Variants in TMEM26 observed in about 807,000 individuals in gnomAD.
The protein encoded by TMEM26 is transmembrane protein 26.
A neutral mutation model predicts 28.8 loss-of-function variants in TMEM26; 38 were observed. The ratio of observed to expected loss-of-function variants is 1.32; its 90% CI spans 1.02 to 1.73. The LOEUF is 1.73. Ranked by LOEUF, TMEM26 falls within the 40% of genes most tolerant of loss-of-function variation. The probability of loss-of-function intolerance (pLI) is 0.00; values close to 1 mark genes in which losing one functional copy is unlikely to be tolerated. For synonymous variants in TMEM26, 227 were observed against 182.9 expected (o/e 1.24, Z -1.95); for missense variants, 518 against 447.1 (o/e 1.16, Z -1.43).
At chr10:61,447,657 G>A (rs1016224276) in intron 1 of TMEM26, among the ~76,000 whole-genome samples, 3 of 152,112 alleles carry the variant, frequency 2.0e-5, no homozygotes, top group African/African-American at 7.2e-5. Flanking sequence ...ATAAGAAAAG[G>A]GGAAGAGTAG....
At chr10:61,429,219 C>G (rs550866854) in intron 3 of TMEM26, 73 bp from the exon 4 acceptor site, 1 of 1,291,268 alleles carries the variant, frequency 7.7e-7, no homozygotes, top group African/African-American at 1.5e-5. Flanking sequence ...CCTCACTGTG[C>G]TTTCAATCAA....
chr10:61,412,088 G>T (rs1376171311), intron 5 of TMEM26, among the ~76,000 whole-genome samples: 1 of 152,122 alleles, frequency 6.6e-6, no homozygotes, highest in Non-Finnish European at 1.5e-5. Flanking sequence ...TTATATCAAT[G>T]GTAGCCTTTC....
At chr10:61,415,699 T>C (rs2135289355) in intron 4 of TMEM26, among the ~76,000 whole-genome samples, 1 of 152,200 alleles carries the variant, frequency 6.6e-6, no homozygotes, top group South Asian at 2.1e-4. Context: ...TTTCCATGAA[T>C]GAAACGGAAA....
chr10:61,437,277 T>G (rs1291538460), intron 1 of TMEM26, among the ~76,000 whole-genome samples: 1 of 152,172 alleles, frequency 6.6e-6, no homozygotes, highest in African/African-American at 2.4e-5. Context: ...CATTTGGGGT[T>G]AGGACTTCAG....
intron 1 of TMEM26, among the ~76,000 whole-genome samples, chr10:61,440,001 A>T (rs955495822): frequency 6.6e-6 from 1 of 152,206 alleles, no homozygotes; most frequent in African/African-American, 2.4e-5. Context: ...GCACTTTGGG[A>T]GGCCAAGGCA....
chr10:61,412,895 AG>A (rs1224387276), intron 5 of TMEM26: 1 of 1,269,838 alleles, frequency 7.9e-7, no homozygotes, highest in South Asian at 1.3e-5. Flanking sequence ...GCAAAATCTT[AG>A]GGGTTTATGT....
Position 61,453,103 on chromosome 10 carries a change from A to G in TMEM26, c.-22T>C, listed in dbSNP as rs1840321106. 3.1e-6 allele frequency: 5 copies of G among 1,604,718 alleles called. No individual in the cohort carries two copies. In the South Asian group the frequency reaches 3.3e-5, roughly 11 times the overall value. ...CCATGCTGGCCGGAGCACTCTGCCT[A>G]CGTCCCCTTGCCTGCGCCCCCAGGA... On this transcript the variant is annotated 5_prime_UTR_variant, in exon 1 of 6. Transcript: ENST00000399298.
intron 4 of TMEM26, among the ~76,000 whole-genome samples, chr10:61,417,625 A>G (rs1332804609): frequency 1.3e-5 from 2 of 152,012 alleles, no homozygotes; most frequent in Non-Finnish European, 2.9e-5. Flanking sequence ...ATAAAACACA[A>G]TGTAAACATA....
intron 4 of TMEM26, among the ~76,000 whole-genome samples, chr10:61,417,323 G>A (rs558377026): frequency 2.0e-5 from 3 of 151,984 alleles, no homozygotes; most frequent in South Asian, 4.1e-4. Flanking sequence ...TAAAAGACTG[G>A]CATTTGGTAT....
chr10:61,424,981 G>T (rs1426039951), intron 4 of TMEM26, among the ~76,000 whole-genome samples: 2 of 152,144 alleles, frequency 1.3e-5, no homozygotes, highest in Non-Finnish European at 2.9e-5. Context: ...CATTCTACAA[G>T]TGTACTAGTC....
chr10:61,436,343 C>CT, intron 1 of TMEM26, 95 bp from the exon 2 acceptor site: 1 of 684,648 alleles, frequency 1.5e-6, no homozygotes, highest in Non-Finnish European at 2.4e-6. Context: ...AATGCACATA[C>CT]TCCGACCACA....
At chr10:61,443,622 T>G (rs567563120) in intron 1 of TMEM26, among the ~76,000 whole-genome samples, 1 of 152,220 alleles carries the variant, frequency 6.6e-6, no homozygotes, top group Non-Finnish European at 1.5e-5. Context: ...CCGAAGCCCT[T>G]GAAGATTGTC....
chr10:61,451,986 GATAT>G (rs10555555), intron 1 of TMEM26, among the ~76,000 whole-genome samples: 72,118 of 148,690 alleles, frequency 0.49, 19,012 homozygotes, highest in African/African-American at 0.71. Flanking sequence ...TTAATGTATT[GATAT>G]ATATATATAT....
chr10:61,441,915 T>C (rs1165727538), intron 1 of TMEM26, among the ~76,000 whole-genome samples: 1 of 152,196 alleles, frequency 6.6e-6, no homozygotes, highest in Non-Finnish European at 1.5e-5. Context: ...TTGTGTTTTT[T>C]TGTTTTAATT....
intron 4 of TMEM26, among the ~76,000 whole-genome samples, chr10:61,428,106 G>C (rs1464277828): frequency 6.6e-6 from 1 of 152,096 alleles, no homozygotes; most frequent in Admixed American, 6.6e-5. Context: ...ATTTCGTTGA[G>C]CTTTATGTTT....
chr10:61,413,385 T>G, intron 5 of TMEM26, 74 bp downstream of exon 5: 5 of 1,569,274 alleles, frequency 3.2e-6, no homozygotes, highest in Admixed American at 1.9e-5. Context: ...TTCACTTGCC[T>G]TCTTAGTTTT....
intron 1 of TMEM26, among the ~76,000 whole-genome samples, chr10:61,439,696 G>A (rs1399229334): frequency 1.3e-5 from 2 of 152,096 alleles, no homozygotes; most frequent in Non-Finnish European, 2.9e-5. Flanking sequence ...CTGTAAAATG[G>A]GGAAAATAAT....
At chr10:61,411,623 C>T (rs937089173) in intron 5 of TMEM26, among the ~76,000 whole-genome samples, 2 of 152,134 alleles carry the variant, frequency 1.3e-5, no homozygotes, top group South Asian at 4.1e-4. Flanking sequence ...ATCCTAATTC[C>T]TTGTGCTTTG....
rs369241736 is a variant in TMEM26 at position 61,452,848 on chromosome 10, C to G, written c.191+43G>C. Reference sequence around the variant, plus strand: ...CCTGCGAGTGCGGTGGGGGACAATACCCTAGGGCCCCGTGCGCCCTCGCTT... The same window carrying G: ...CCTGCGAGTGCGGTGGGGGACAATAGCCTAGGGCCCCGTGCGCCCTCGCTT... On this transcript the variant is annotated intron_variant, in intron 1 of 5. Coordinates refer to ENST00000399298, the MANE Select transcript of TMEM26 (RefSeq NM_178505.8). 27 of 1,593,928 alleles carry G rather than the reference C, an allele frequency of 1.7e-5. No homozygotes were observed. In the African/African-American group the frequency reaches 3.3e-4, roughly 20 times the overall value.
Sources: gnomAD v4.1 joint callset for allele counts (sites outside exome capture counted in the v4.1 genomes callset) on GRCh38, gnomAD v4.1.1 for gene constraint, MANE v1.5 for transcripts, NCBI Gene and HGNC (gene_info 2026-07-23, HGNC 2026-07-21) for gene names.